Variants in CA10 observed in about 807,000 individuals in gnomAD.
CA10 encodes the protein carbonic anhydrase-related protein 10.
Under a neutral mutation model 44.2 loss-of-function variants are expected in CA10, and 14 were observed. The ratio of observed to expected loss-of-function variants is 0.32; its 90% CI spans 0.21 to 0.50. The LOEUF is 0.50. Among genes scored for constraint, CA10 ranks in the 20% least tolerant of loss-of-function variants. The probability of loss-of-function intolerance (pLI) is 0.99; values close to 1 mark genes in which losing one functional copy is unlikely to be tolerated. For missense variants in CA10, 350 were observed against 409.7 expected (o/e 0.85, Z 1.26); for synonymous variants, 159 against 141.6 (o/e 1.12, Z -0.87).
intron 3 of CA10, among the ~76,000 whole-genome samples, chr17:51,752,425 T>C (rs563099113): frequency 1.3e-5 from 2 of 151,946 alleles, no homozygotes; most frequent in South Asian, 4.2e-4. Context: ...CAGTTCTTTT[T>C]GTTTTACCTT....
At chr17:51,946,691 T>C (rs1462941924) in intron 2 of CA10, among the ~76,000 whole-genome samples, 1 of 152,222 alleles carries the variant, frequency 6.6e-6, no homozygotes, top group African/African-American at 2.4e-5. Flanking sequence ...TTTTCCTCAA[T>C]GCTCCTTACA....
At chr17:52,000,827 G>C (rs1179888658) in intron 2 of CA10, among the ~76,000 whole-genome samples, 1 of 148,030 alleles carries the variant, frequency 6.8e-6, no homozygotes, top group Non-Finnish European at 1.5e-5. Context: ...AATATTAAGA[G>C]AGGTTAAGTT....
intron 1 of CA10, among the ~76,000 whole-genome samples, chr17:52,156,187 AAG>A (rs907532674): frequency 6.6e-6 from 1 of 152,210 alleles, no homozygotes; most frequent in Non-Finnish European, 1.5e-5. Flanking sequence ...ATTCTGGAAC[AAG>A]AGAGAGAGTT....
At chr17:51,969,156 C>A (rs1984187490) in intron 2 of CA10, among the ~76,000 whole-genome samples, 1 of 151,910 alleles carries the variant, frequency 6.6e-6, no homozygotes, top group East Asian at 1.9e-4. Flanking sequence ...GCTTTTTGAG[C>A]TTCATCTCCT....
intron 2 of CA10, among the ~76,000 whole-genome samples, chr17:52,002,392 G>A (rs186869305): frequency 6.6e-6 from 1 of 151,966 alleles, no homozygotes; most frequent in East Asian, 2.0e-4. Context: ...CATAAAAAGT[G>A]CAGGTGACTC....
intron 8 of CA10, among the ~76,000 whole-genome samples, chr17:51,633,247 CACTT>C (rs1262086608): frequency 6.6e-6 from 1 of 152,162 alleles, no homozygotes; most frequent in African/African-American, 2.4e-5. Context: ...TCCATCCATC[CACTT>C]ACTTACCTAC....
intron 1 of CA10, among the ~76,000 whole-genome samples, chr17:52,077,673 T>C (rs190521146): frequency 9.2e-5 from 14 of 151,932 alleles, no homozygotes; most frequent in African/African-American, 3.4e-4. Context: ...TGTTGAAATA[T>C]ATGGGTTTCT....
chr17:51,845,251 G>A (rs1236980678), intron 3 of CA10, among the ~76,000 whole-genome samples: 1 of 152,188 alleles, frequency 6.6e-6, no homozygotes, highest in African/African-American at 2.4e-5. Context: ...CATCAGCACA[G>A]GAGATCACTT....
intron 2 of CA10, among the ~76,000 whole-genome samples, chr17:51,966,672 AC>A (rs774904909): frequency 1.3e-5 from 2 of 151,840 alleles, no homozygotes; most frequent in African/African-American, 4.8e-5. Flanking sequence ...ATGAAGCTGG[AC>A]CCCTACCTTT....
chr17:52,007,884 C>T (rs1413000161), intron 2 of CA10, among the ~76,000 whole-genome samples: 2 of 151,340 alleles, frequency 1.3e-5, no homozygotes, highest in African/African-American at 4.8e-5. Flanking sequence ...GCTACTGGTT[C>T]GTTTTGGTTT....
chr17:52,082,370 T>G (rs1044629153), intron 1 of CA10, among the ~76,000 whole-genome samples: 16 of 152,208 alleles, frequency 1.1e-4, no homozygotes, highest in Non-Finnish European at 1.9e-4. Context: ...ATCTCTGTAA[T>G]TTTAAGAGGG....
chr17:51,915,464 G>T (rs1981957135), intron 3 of CA10, among the ~76,000 whole-genome samples: 1 of 152,144 alleles, frequency 6.6e-6, no homozygotes, highest in Non-Finnish European at 1.5e-5. Flanking sequence ...GGGAGTTTGT[G>T]TAACATTCAG....
intron 3 of CA10, among the ~76,000 whole-genome samples, chr17:51,833,181 A>T (rs185119720): frequency 1.3e-5 from 2 of 152,238 alleles, no homozygotes; most frequent in Admixed American, 1.3e-4. Context: ...CCAGGTATCC[A>T]GGCTTCTCCC....
chr17:52,108,675 G>C (rs957351720), intron 1 of CA10, among the ~76,000 whole-genome samples: 1 of 133,872 alleles, frequency 7.5e-6, no homozygotes, highest in Non-Finnish European at 1.5e-5. Context: ...ACTCCAGCCT[G>C]GGTGACAGGG....
chr17:52,011,923 T>C (rs775851061), intron 2 of CA10, among the ~76,000 whole-genome samples: 34 of 152,052 alleles, frequency 2.2e-4, no homozygotes, highest in Admixed American at 4.6e-4. Flanking sequence ...AACACAGTTG[T>C]GTTTTAATGC....
chr17:51,963,876 A>G (rs1285219012), intron 2 of CA10, among the ~76,000 whole-genome samples: 1 of 152,192 alleles, frequency 6.6e-6, no homozygotes, highest in African/African-American at 2.4e-5. Flanking sequence ...TAAAGCAACC[A>G]GCAAACAACT....
At chr17:51,899,148 A>G (rs1458718885) in intron 3 of CA10, among the ~76,000 whole-genome samples, 1 of 151,802 alleles carries the variant, frequency 6.6e-6, no homozygotes, top group Non-Finnish European at 1.5e-5. Context: ...TGTTAATTTG[A>G]GACCTTTCTA....
At chr17:51,869,890 T>C (rs563337545) in intron 3 of CA10, among the ~76,000 whole-genome samples, 1 of 152,320 alleles carries the variant, frequency 6.6e-6, no homozygotes, top group Admixed American at 6.5e-5. Context: ...TTTGTGCTCC[T>C]AAAGCACTGT....
In CA10 at chr17:51,923,805, T is replaced by C. The variant is rs1004560004; in HGVS notation, c.279+7185A>G. Among the ~76,000 whole-genome samples the C allele has an allele frequency of 2.2e-4, 34 of 152,178 alleles. 1 individual carries two copies. The highest frequency in any genetic ancestry group is 6.6e-4 in the Admixed American group (10 of 15,256). On this transcript the variant is annotated intron_variant, in intron 3 of 8. Transcript: ENST00000451037. ...GTGGATAGCAAAGTTCTTTTCCCCA[T>C]GGGCCTTCTCACATTCCCCCCACCT...
Sources: gnomAD v4.1 joint callset for allele counts (sites outside exome capture counted in the v4.1 genomes callset) on GRCh38, gnomAD v4.1.1 for gene constraint, MANE v1.5 for transcripts, NCBI Gene and HGNC (gene_info 2026-07-23, HGNC 2026-07-21) for gene names.